The following B4GALT5 variants were observed in gnomAD, a reference collection of about 807,000 sequenced individuals.
B4GALT5 encodes UDP-Gal:beta-GlcNAc beta-1,4-galactosyltransferase 5.
A neutral mutation model predicts 45.0 loss-of-function variants in B4GALT5; 11 were observed. The observed-to-expected ratio is 0.24, with a 90% CI of 0.15 to 0.40. The LOEUF is 0.40. Among genes scored for constraint, B4GALT5 ranks in the 10% least tolerant of loss-of-function variants. B4GALT5 has a pLI of 1.00. For missense variants in B4GALT5, 337 were observed against 500.2 expected, an observed-to-expected ratio of 0.67 and a Z score of 3.11; for synonymous variants, 185 against 182.9, an observed-to-expected ratio of 1.01 and a Z score of -0.09.
At chr20:49,659,515 A>C (rs2085656799) in intron 1 of B4GALT5, among the ~76,000 whole-genome samples, 1 of 152,042 alleles carries the variant, frequency 6.6e-6, no homozygotes. Flanking sequence ...CAACTAATAA[A>C]TTAACGTAAA....
chr20:49,651,082 C>G (rs2649674), intron 2 of B4GALT5, among the ~76,000 whole-genome samples: 84,143 of 151,994 alleles, frequency 0.55, 23,418 homozygotes, highest in South Asian at 0.68. Flanking sequence ...TCAGGAGTTC[C>G]AGACCAGCCT....
chr20:49,668,723 C>T (rs1279911893), intron 1 of B4GALT5, among the ~76,000 whole-genome samples: 5 of 152,060 alleles, frequency 3.3e-5, no homozygotes, highest in South Asian at 2.1e-4. Context: ...CCCTCACCTC[C>T]GCACCCCCTC....
chr20:49,665,700 T>TA (rs2085687499), intron 1 of B4GALT5, among the ~76,000 whole-genome samples: 1 of 148,542 alleles, frequency 6.7e-6, no homozygotes, highest in Non-Finnish European at 1.5e-5. Flanking sequence ...AATGGAAGAA[T>TA]AGTCACGTTT....
chr20:49,700,408 C>T (rs1239424678), intron 1 of B4GALT5, among the ~76,000 whole-genome samples: 1 of 152,190 alleles, frequency 6.6e-6, no homozygotes, highest in Non-Finnish European at 1.5e-5. Context: ...AACTCCCAGG[C>T]TCATGCGATC....
chr20:49,689,989 G>A (rs2085803441), intron 1 of B4GALT5, among the ~76,000 whole-genome samples: 1 of 152,000 alleles, frequency 6.6e-6, no homozygotes, highest in Non-Finnish European at 1.5e-5. Context: ...CATAGCACAA[G>A]TGTTTTTGTT....
At chr20:49,697,341 G>T (rs567150772) in intron 1 of B4GALT5, among the ~76,000 whole-genome samples, 1 of 152,220 alleles carries the variant, frequency 6.6e-6, no homozygotes, top group African/African-American at 2.4e-5. Context: ...TTTACCCTTC[G>T]CAGAGACGCT....
rs71186468 is a variant in B4GALT5, at chr20:49,663,698, C to CAT, written c.116-6998_116-6997dup. On this transcript the variant is annotated intron_variant, in intron 1 of 8. Transcript: ENST00000371711. ...AAGAAAAAAAAAAAAAAAATATATACATATATATATATATATATATATATA... is the reference window on the plus strand; with the variant it reads ...AAGAAAAAAAAAAAAAAAATATATACATATATATATATATATATATATATATA... Among the ~76,000 whole-genome samples the CAT allele has an allele frequency of 6.2e-3, 487 of 78,572 alleles. 23 individuals carry two copies. Among genetic ancestry groups the CAT allele is most frequent in the Non-Finnish European group, 9.6e-3 (431 of 44,712 alleles). The allele number at this position is 78,572 out of a possible 152,430, so 51.5% of individuals were successfully genotyped here.
intron 1 of B4GALT5, among the ~76,000 whole-genome samples, chr20:49,682,234 TG>T (rs1171206252): frequency 2.0e-5 from 3 of 152,150 alleles, no homozygotes; most frequent in Non-Finnish European, 2.9e-5. Flanking sequence ...CCTGCCAGTG[TG>T]AATAAAGCAC....
Position 49,637,404 on chromosome 20 carries a change from C to G in B4GALT5, c.956G>C (p.Gly319Ala), listed in dbSNP as rs1329800148. The change falls in exon 8 of 9, where the codon GGT (glycine) becomes GCT (alanine). Residue 319 changes from glycine (G) to alanine (A), a missense_variant. Around this residue, in one of 2 missense-constraint regions of B4GALT5, gnomAD observed 163 missense variants for 292.8 expected, o/e 0.56. Transcript: ENST00000371711. ...AATGGACTTGTACTTTCCTGTGTCA[C>G]CCTCTGGCCGGCTCACAGAATAGCC... ...NAGYSVSRPE[G>A]DTGKYKSIPH... 2 of 1,614,032 alleles carry G rather than the reference C, an allele frequency of 1.2e-6. No individual in the cohort carries two copies. The highest frequency in any genetic ancestry group is 2.7e-5 in the African/African-American group (2 of 74,888).
chr20:49,698,179 C>T (rs1396242042), intron 1 of B4GALT5, among the ~76,000 whole-genome samples: 9 of 152,090 alleles, frequency 5.9e-5, no homozygotes, highest in Admixed American at 3.9e-4. Flanking sequence ...AAAAATTAGC[C>T]GGGCATGGTG....
At chr20:49,658,381 C>A (rs1333427247) in intron 1 of B4GALT5, among the ~76,000 whole-genome samples, 1 of 151,832 alleles carries the variant, frequency 6.6e-6, no homozygotes, top group African/African-American at 2.4e-5. Flanking sequence ...CTAATTCAGT[C>A]CTGTGTTGTT....
chr20:49,667,090 T>C (rs571506669), intron 1 of B4GALT5, among the ~76,000 whole-genome samples: 1 of 152,324 alleles, frequency 6.6e-6, no homozygotes, highest in African/African-American at 2.4e-5. Context: ...GGAGCCAAGA[T>C]TTCACAGCAG....
intron 2 of B4GALT5, among the ~76,000 whole-genome samples, chr20:49,648,805 G>T (rs549684126): frequency 2.0e-5 from 3 of 152,276 alleles, no homozygotes; most frequent in South Asian, 2.1e-4. Context: ...TGAATAACTG[G>T]AACAACATAC....
intron 1 of B4GALT5, among the ~76,000 whole-genome samples, chr20:49,709,207 G>A (rs1484740035): frequency 6.6e-6 from 1 of 152,078 alleles, no homozygotes; most frequent in Non-Finnish European, 1.5e-5. Context: ...AAGTTAACAG[G>A]TCATAAATAA....
chr20:49,680,230 A>G (rs1426690539), intron 1 of B4GALT5, among the ~76,000 whole-genome samples: 1 of 152,220 alleles, frequency 6.6e-6, no homozygotes, highest in Non-Finnish European at 1.5e-5. Flanking sequence ...GAGCCATTTC[A>G]ACAAGCTCTT....
At position 49,636,476 on chromosome 20, in the gene B4GALT5, C is replaced by A. The variant is rs763126295; in HGVS notation, c.1020-17G>T. 1.9e-6 allele frequency: 3 copies of A among 1,613,726 alleles called. No individual in the cohort carries two copies. The highest frequency in any genetic ancestry group is 1.1e-5 in the South Asian group (1 of 91,066). On this transcript the variant is annotated splice_polypyrimidine_tract_variant and intron_variant, in intron 8 of 8. Coordinates refer to ENST00000371711, the MANE Select transcript of B4GALT5 (RefSeq NM_004776.4). Reference sequence around the variant, plus strand: ...AGAGCATACCTGTTTAGGGAGGGAACAGAGAAGAGGTGGCTCTGAGTGAGG... The same window carrying A: ...AGAGCATACCTGTTTAGGGAGGGAAAAGAGAAGAGGTGGCTCTGAGTGAGG...
At chr20:49,644,428 T>C (rs1337214180) in intron 3 of B4GALT5, among the ~76,000 whole-genome samples, 2 of 152,064 alleles carry the variant, frequency 1.3e-5, no homozygotes, top group African/African-American at 4.8e-5. Context: ...GCAGCTGAGC[T>C]TAGAGTCATG....
intron 2 of B4GALT5, among the ~76,000 whole-genome samples, chr20:49,651,242 C>T (rs531589726): frequency 6.6e-6 from 1 of 151,446 alleles, no homozygotes; most frequent in African/African-American, 2.4e-5. Flanking sequence ...GCCGAGATCC[C>T]GCCACTGCAC....
intron 1 of B4GALT5, among the ~76,000 whole-genome samples, chr20:49,699,790 A>G (rs1473334388): frequency 6.6e-6 from 1 of 152,180 alleles, no homozygotes; most frequent in Non-Finnish European, 1.5e-5. Context: ...TCCTTACCCT[A>G]CAACCACTCT....
Sources: allele counts gnomAD v4.1 joint callset (sites outside exome capture counted in the v4.1 genomes callset), GRCh38; gene constraint gnomAD v4.1.1; regional missense constraint gnomAD v4.1.1; transcripts MANE v1.5; gene names NCBI Gene and HGNC (gene_info 2026-07-23, HGNC 2026-07-21).